Variants in CORO2A observed in about 807,000 individuals in gnomAD.
CORO2A encodes the protein coronin 2A.
In CORO2A, 47 loss-of-function variants were observed where a neutral mutation model predicts 62.4. That is an observed-to-expected ratio of 0.75 (90% CI 0.60 to 0.96). The LOEUF (loss-of-function observed/expected upper bound fraction) is 0.96. CORO2A is among the 40% of genes least tolerant of loss of function. CORO2A has a pLI of 0.00. For synonymous variants in CORO2A, 273 were observed against 268.9 expected (o/e 1.02, Z -0.15); for missense variants, 610 against 684.1 (o/e 0.89, Z 1.21).
chr9:98,168,568 G>C (rs1269936900), intron 1 of CORO2A, among the ~76,000 whole-genome samples: 1 of 152,212 alleles, frequency 6.6e-6, no homozygotes, highest in East Asian at 1.9e-4. Flanking sequence ...TTCAGTCACA[G>C]GTCCACACTC....
chr9:98,175,414 A>G (rs1374266914), intron 1 of CORO2A, among the ~76,000 whole-genome samples: 4 of 151,856 alleles, frequency 2.6e-5, no homozygotes, highest in African/African-American at 4.8e-5. Context: ...ATTAGCACCA[A>G]CTCCCACTGG....
chr9:98,159,994 G>A (rs753893840), intron 1 of CORO2A, among the ~76,000 whole-genome samples: 4 of 152,202 alleles, frequency 2.6e-5, no homozygotes, highest in Non-Finnish European at 5.9e-5. Flanking sequence ...ATTACACTGT[G>A]TGACCTCAGG....
chr9:98,164,546 C>G (rs1461341516), intron 1 of CORO2A, among the ~76,000 whole-genome samples: 1 of 152,174 alleles, frequency 6.6e-6, no homozygotes, highest in Non-Finnish European at 1.5e-5. Context: ...CCTTTCTCAC[C>G]AGGCAGGAAG....
At chr9:98,189,954 G>A (rs1313498338) in intron 1 of CORO2A, among the ~76,000 whole-genome samples, 1 of 151,476 alleles carries the variant, frequency 6.6e-6, no homozygotes, top group African/African-American at 2.4e-5. Flanking sequence ...GCACAATCTC[G>A]GCTCACTGCC....
chr9:98,173,207 G>A (rs977276257), intron 1 of CORO2A, among the ~76,000 whole-genome samples: 1 of 152,170 alleles, frequency 6.6e-6, no homozygotes, highest in African/African-American at 2.4e-5. Flanking sequence ...TCGGCAGCGT[G>A]GGTGAGAGCT....
chr9:98,188,609 A>G (rs1828267023), intron 1 of CORO2A, among the ~76,000 whole-genome samples: 1 of 152,146 alleles, frequency 6.6e-6, no homozygotes, highest in African/African-American at 2.4e-5. Flanking sequence ...TACTGAAAAT[A>G]CAAAAACTAG....
intron 2 of CORO2A, among the ~76,000 whole-genome samples, chr9:98,138,460 T>C (rs1827519727): frequency 6.6e-6 from 1 of 151,304 alleles, no homozygotes; most frequent in Admixed American, 6.6e-5. Context: ...AACAATATTC[T>C]TCATAATATC....
intron 1 of CORO2A, among the ~76,000 whole-genome samples, chr9:98,186,281 C>G (rs6478593): frequency 1.3e-3 from 187 of 144,984 alleles, no homozygotes; most frequent in African/African-American, 2.6e-3. Flanking sequence ...GGGTGGCTGG[C>G]GGGGGGAGGG....
rs145556429 is a variant in CORO2A, at chr9:98,139,440, C to T, written c.202-1752G>A. The stretch of plus-strand genomic sequence containing the variant: ...GTCAGGAGTTTGAGACCAGCCTGGT[C>T]AATATGGTGAAACCCCACCTCTACT... On this transcript the variant is annotated intron_variant, in intron 2 of 11. Transcript: ENST00000375077. 3.3e-5 allele frequency among the ~76,000 whole-genome samples: 5 copies of T among 152,216 alleles called. No homozygotes were observed. In the East Asian group the frequency reaches 9.7e-4, roughly 29 times the overall value.
At chr9:98,146,725 G>C (rs1257823638) in intron 2 of CORO2A, among the ~76,000 whole-genome samples, 1 of 152,164 alleles carries the variant, frequency 6.6e-6, no homozygotes, top group Admixed American at 6.5e-5. Context: ...CCACACCCAG[G>C]TCTGGGCTCC....
At chr9:98,163,630 C>T (rs1479317954) in intron 1 of CORO2A, among the ~76,000 whole-genome samples, 1 of 152,052 alleles carries the variant, frequency 6.6e-6, no homozygotes, top group Non-Finnish European at 1.5e-5. Context: ...ATGAGCAGTG[C>T]AGGTGGGAAG....
chr9:98,176,129 C>T (rs1439149756), intron 1 of CORO2A, among the ~76,000 whole-genome samples: 3 of 152,200 alleles, frequency 2.0e-5, no homozygotes, highest in Non-Finnish European at 4.4e-5. Flanking sequence ...AAACATTCGG[C>T]GGGGGGTGAG....
chr9:98,141,243 G>A (rs1006166564), intron 2 of CORO2A, among the ~76,000 whole-genome samples: 2 of 152,020 alleles, frequency 1.3e-5, no homozygotes, highest in Non-Finnish European at 2.9e-5. Context: ...GGGGAGAGAG[G>A]TGCATGCTTC....
At chr9:98,178,701 T>C (rs554724243) in intron 1 of CORO2A, among the ~76,000 whole-genome samples, 4 of 152,176 alleles carry the variant, frequency 2.6e-5, no homozygotes, top group Non-Finnish European at 5.9e-5. Context: ...GGCGAGTGTG[T>C]CTCCACCTGG....
intron 2 of CORO2A, among the ~76,000 whole-genome samples, chr9:98,153,542 G>A (rs1005091716): frequency 6.6e-6 from 1 of 151,780 alleles, no homozygotes; most frequent in Non-Finnish European, 1.5e-5. Context: ...GTATAGCTGG[G>A]ACTACAGGTG....
chr9:98,142,897 A>C (rs1827592986), intron 2 of CORO2A, among the ~76,000 whole-genome samples: 1 of 149,232 alleles, frequency 6.7e-6, no homozygotes, highest in African/African-American at 2.5e-5. Flanking sequence ...CTGGGCTGGC[A>C]GATTGCTCTG....
At chr9:98,140,977 G>T (rs1827557373) in intron 2 of CORO2A, among the ~76,000 whole-genome samples, 1 of 152,168 alleles carries the variant, frequency 6.6e-6, no homozygotes, top group South Asian at 2.1e-4. Flanking sequence ...AGTTGATAAT[G>T]TACTGCAGTA....
chr9:98,125,094 A>G (rs561592648), intron 11 of CORO2A, among the ~76,000 whole-genome samples, 189 bp from the exon 12 acceptor site: 164 of 152,354 alleles, frequency 1.1e-3, no homozygotes, highest in South Asian at 3.5e-3. Flanking sequence ...ATGAAATTCA[A>G]GAAGACTGGA....
At chr9:98,160,875 G>A (rs891056121) in intron 1 of CORO2A, among the ~76,000 whole-genome samples, 1 of 151,916 alleles carries the variant, frequency 6.6e-6, no homozygotes, top group African/African-American at 2.4e-5. Flanking sequence ...GCAGTGATGT[G>A]TGTCACTTCC....
Sources: allele counts gnomAD v4.1 joint callset (sites outside exome capture counted in the v4.1 genomes callset), GRCh38; gene constraint gnomAD v4.1.1; transcripts MANE v1.5; gene names NCBI Gene and HGNC (gene_info 2026-07-23, HGNC 2026-07-21).